Variants in SCYL3 observed in about 807,000 individuals in gnomAD.
SCYL3 encodes the protein SCY1 like pseudokinase 3, also known as protein-associating with the carboxyl-terminal domain of ezrin.
In SCYL3, 35 loss-of-function variants were observed where a neutral mutation model predicts 73.8. The ratio of observed to expected loss-of-function variants is 0.47; its 90% CI spans 0.36 to 0.63. The LOEUF is 0.63. Ranked by LOEUF, SCYL3 falls within the 20% of genes least tolerant of loss-of-function variation. The pLI is 0.00. For missense variants in SCYL3, 712 were observed against 798.9 expected (o/e 0.89, Z 1.31); for synonymous variants, 277 against 295.2 (o/e 0.94, Z 0.63).
chr1:169,850,133 T>C lies in SCYL3; in HGVS notation c.*3580A>G, dbSNP rs1657924712. 1.6e-6 allele frequency: 1 copy of C among 614,624 alleles called. No homozygotes were observed. The highest frequency in any genetic ancestry group is 2.9e-5 in the Admixed American group (1 of 34,458). 38.1% of individuals were successfully genotyped at this position (614,624 alleles called of 1,614,324 possible). ...GGACCCTGAAGGAATCATGAGTTTA[T>C]CACCTTTGAGGATCCTCTGGGACTC... On this transcript the variant is annotated 3_prime_UTR_variant, in exon 13 of 13. Coordinates refer to ENST00000367771, the MANE Select transcript of SCYL3 (RefSeq NM_020423.7).
chr1:169,853,205 C>CAAAG lies in SCYL3; in HGVS notation c.*504_*507dup, dbSNP rs1172918107. 5.3e-6 allele frequency: 3 copies of CAAAG among 562,020 alleles called. No individual in the cohort carries two copies. The African/African-American group carries it at 5.7e-5, about 11-fold the overall frequency. 34.8% of individuals were successfully genotyped at this position (562,020 alleles called of 1,614,324 possible). ...AACAGTCAGGAACTGCCTAGGTCCA[C>CAAAG]AAAGAACCATTTACTCAGATAGTCT... is the stretch of plus-strand genomic sequence containing the variant. On this transcript the variant is annotated 3_prime_UTR_variant, in exon 13 of 13. Transcript: ENST00000367771.
chr1:169,859,104 G>A lies in SCYL3; in HGVS notation c.1249C>T (p.Arg417Ter), dbSNP rs1372159883. The A allele has an allele frequency of 3.1e-6, 5 of 1,613,892 alleles. No homozygotes were observed. The highest frequency in any genetic ancestry group is 4.5e-5 in the East Asian group (2 of 44,870). ...GCAGTGCGTTTGAAGATCTTGGTTC[G>A]TTCTCCTCCCACAACCACCTCTGGT... The part of the protein sequence containing the change: ...LGPEVVVGGE[R>*]TKIFKRTAPS... Residue 417 changes from arginine (R) to a stop codon, truncating the protein, a stop_gained, in exon 11 of 13, where the codon CGA (arginine) becomes TGA (stop). Transcript: ENST00000367771. LOFTEE classifies it high-confidence loss of function.
intron 2 of SCYL3, among the ~76,000 whole-genome samples, chr1:169,880,905 G>A (rs1019762516): frequency 4.6e-5 from 7 of 152,070 alleles, no homozygotes; most frequent in Admixed American, 2.0e-4. Context: ...GGGACTACAG[G>A]CTTGCACCAC....
intron 1 of SCYL3, among the ~76,000 whole-genome samples, chr1:169,891,441 A>T (rs1056238729): frequency 1.3e-5 from 2 of 152,162 alleles, no homozygotes; most frequent in East Asian, 1.9e-4. Context: ...ATGTTCTTTG[A>T]AACTAATTGC....
intron 3 of SCYL3, among the ~76,000 whole-genome samples, chr1:169,876,791 G>A (rs936584569): frequency 2.6e-5 from 4 of 151,434 alleles, no homozygotes; most frequent in Non-Finnish European, 2.9e-5. Context: ...GCGTCTCTAC[G>A]AAAAATACAA....
chr1:169,888,748 C>G lies in SCYL3; in HGVS notation c.93G>C (p.Leu31=), dbSNP rs1364148813. Residue 31 remains leucine (L), a synonymous_variant, in exon 2 of 13, where the codon CTG becomes CTC. Transcript: ENST00000367771. The part of the protein sequence containing the change: ...PSGLAVYPAV[L]QDGKFASVFV... ...AAACTGAAGCAAATTTGCCATCTTG[C>G]AGTACAGCGGGATAAACAGCAAGTC... is the stretch of plus-strand genomic sequence containing the variant. 1.2e-6 allele frequency: 2 copies of G among 1,614,034 alleles called. No individual in the cohort carries two copies. The highest frequency in any genetic ancestry group is 2.2e-5 in the South Asian group (2 of 91,080).
intron 3 of SCYL3, among the ~76,000 whole-genome samples, chr1:169,876,608 A>T (rs887730838): frequency 6.6e-6 from 1 of 152,258 alleles, no homozygotes; most frequent in Admixed American, 6.5e-5. Flanking sequence ...AGTAGGCATT[A>T]AAAAAATTCT....
At chr1:169,870,186 C>T in intron 6 of SCYL3, 69 bp downstream of exon 6, 2 of 1,211,238 alleles carry the variant, frequency 1.7e-6, no homozygotes, top group Non-Finnish European at 2.4e-6. Context: ...CCTTTGAATT[C>T]CACACAGAAT....
At chr1:169,871,500 G>A (rs751693329) in intron 5 of SCYL3, among the ~76,000 whole-genome samples, 8 of 152,176 alleles carry the variant, frequency 5.3e-5, no homozygotes, top group South Asian at 2.1e-4. Context: ...CATCAGCAGC[G>A]TGAAAACAGA....
chr1:169,876,085 G>A lies in SCYL3; in HGVS notation c.358C>T (p.Leu120=). 1.3e-6 allele frequency: 2 copies of A among 1,567,782 alleles called. No homozygotes were observed. Among genetic ancestry groups the A allele is most frequent in the East Asian group, 2.3e-5 (1 of 42,798 alleles). Residue 120 remains leucine (L), a synonymous_variant, in exon 4 of 13, where the codon CTA becomes TTA. Transcript: ENST00000367771. The part of the protein sequence containing the change: ...ALIFLHDRGH[L]THNNVCLSSV... Reference sequence around the variant, plus strand: ...GATAAACAGACATTATTGTGTGTTAGGTGTCCCTGGAAAAAAAAAAGAACA... The same window carrying A: ...GATAAACAGACATTATTGTGTGTTAAGTGTCCCTGGAAAAAAAAAAGAACA...
rs938344041 is a variant in SCYL3 at position 169,853,289 on chromosome 1, A to G, written c.*424T>C. 8 of 358,372 alleles carry G rather than the reference A, an allele frequency of 2.2e-5. No individual in the cohort carries two copies. Among genetic ancestry groups the G allele is most frequent in the Non-Finnish European group, 4.0e-5 (8 of 199,978 alleles). 22.2% of individuals were successfully genotyped at this position (358,372 alleles called of 1,614,324 possible). On this transcript the variant is annotated 3_prime_UTR_variant, in exon 13 of 13. Coordinates refer to ENST00000367771, the MANE Select transcript of SCYL3 (RefSeq NM_020423.7). ...ACCTCAGCAATTTAAAATCATTTAT[A>G]TAATTTATAGCTAAAATTTTTTAAA... is the stretch of plus-strand genomic sequence containing the variant.
intron 10 of SCYL3, among the ~76,000 whole-genome samples, chr1:169,862,128 T>G (rs1659692140): frequency 6.6e-6 from 1 of 152,224 alleles, no homozygotes; most frequent in African/African-American, 2.4e-5. Context: ...TTTAAGCCAT[T>G]ATAATTTGTG....
Position 169,850,533 on chromosome 1 carries a change from C to T in SCYL3, c.*3180G>A. ...ACACTTGGGGCCAGGCGCGGCGGCT[C>T]ATGCCTGTAATCCCAGCACTTTGGG... is the stretch of plus-strand genomic sequence containing the variant. On this transcript the variant is annotated 3_prime_UTR_variant, in exon 13 of 13. Transcript: ENST00000367771. 1 of 497,324 alleles carries T rather than the reference C, an allele frequency of 2.0e-6. No individual in the cohort carries two copies. Among genetic ancestry groups the T allele is most frequent in the South Asian group, 2.5e-5 (1 of 39,460 alleles). 30.8% of individuals were successfully genotyped at this position (497,324 alleles called of 1,614,324 possible). A position where few individuals can be genotyped will look rare whatever the true frequency, so the allele number is the denominator to read the frequency against.
chr1:169,849,693 T>C lies in SCYL3; in HGVS notation c.*4020A>G. ...AACAATCCCAAAACATTTATTGAAC[T>C]GCTTCTGTATTGCAATCGGAAAATT... On this transcript the variant is annotated 3_prime_UTR_variant, in exon 13 of 13. Coordinates refer to ENST00000367771, the MANE Select transcript of SCYL3 (RefSeq NM_020423.7). 9.8e-7 allele frequency: 1 copy of C among 1,017,128 alleles called. No homozygotes were observed. The highest frequency in any genetic ancestry group is 1.4e-5 in the South Asian group (1 of 69,990). The allele number at this position is 1,017,128 out of a possible 1,614,324, so 63.0% of individuals were successfully genotyped here.
chr1:169,876,958 T>TGAAAAA (rs1660881979), intron 3 of SCYL3, among the ~76,000 whole-genome samples: 1 of 76,394 alleles, frequency 1.3e-5, no homozygotes, highest in Non-Finnish European at 2.4e-5. Context: ...TTGTCTCAAA[T>TGAAAAA]AAAAAAAAAA....
chr1:169,852,607 G>A lies in SCYL3; in HGVS notation c.*1106C>T. The A allele has an allele frequency of 3.2e-6, 2 of 621,374 alleles. No individual in the cohort carries two copies. The highest frequency in any genetic ancestry group is 2.8e-6 in the Non-Finnish European group (1 of 359,352). The allele number at this position is 621,374 out of a possible 1,614,324, so 38.5% of individuals were successfully genotyped here. On this transcript the variant is annotated 3_prime_UTR_variant, in exon 13 of 13. Coordinates refer to ENST00000367771, the MANE Select transcript of SCYL3 (RefSeq NM_020423.7). ...TGGTAGTAGCACTCTGAATTGCTAT[G>A]ATAAACCAAAATGCCTTTACATATT...
Position 169,876,236 on chromosome 1 carries a change from C to G in SCYL3, c.352-145G>C, listed in dbSNP as rs528941009. The G allele has an allele frequency of 1.6e-4, 74 of 475,850 alleles. 1 individual carries two copies. In the South Asian group the frequency reaches 1.8e-3, roughly 12 times the overall value. The allele number at this position is 475,850 out of a possible 1,614,324, so 29.5% of individuals were successfully genotyped here. ...CACCAAAAAAATTATGACAAGCCTT[C>G]CCACTTGTGGCATAATAAATGGAAC... On this transcript the variant is annotated intron_variant, in intron 3 of 12. Coordinates refer to ENST00000367771, the MANE Select transcript of SCYL3 (RefSeq NM_020423.7).
At chr1:169,856,984 C>T (rs1659230981) in intron 11 of SCYL3, among the ~76,000 whole-genome samples, 1 of 152,146 alleles carries the variant, frequency 6.6e-6, no homozygotes, top group African/African-American at 2.4e-5. Flanking sequence ...GTTAGAGATC[C>T]AGAATTACAT....
At chr1:169,887,242 G>A (rs1201348313) in intron 2 of SCYL3, among the ~76,000 whole-genome samples, 1 of 152,128 alleles carries the variant, frequency 6.6e-6, no homozygotes, top group Admixed American at 6.5e-5. Flanking sequence ...GCTTAAAAGG[G>A]TATCTATGAA....
Sources: gnomAD v4.1 joint callset for allele counts (sites outside exome capture counted in the v4.1 genomes callset) on GRCh38, gnomAD v4.1.1 for gene constraint, MANE v1.5 for transcripts, NCBI Gene and HGNC (gene_info 2026-07-23, HGNC 2026-07-21) for gene names.